PTPRN2: variants seen among roughly 807,000 people sequenced by gnomAD.
The protein encoded by PTPRN2 is receptor-type tyrosine-protein phosphatase N2.
A neutral mutation model predicts 118.8 loss-of-function variants in PTPRN2; 74 were observed. That is an observed-to-expected ratio of 0.62 (90% CI 0.52 to 0.76). The LOEUF (loss-of-function observed/expected upper bound fraction) is 0.76. Among genes scored for constraint, PTPRN2 ranks in the 30% least tolerant of loss-of-function variants. The pLI is 0.00. For synonymous variants in PTPRN2, 641 were observed against 608.0 expected, an observed-to-expected ratio of 1.05 and a Z score of -0.80; for missense variants, 1,481 against 1,394.4, an observed-to-expected ratio of 1.06 and a Z score of -0.99.
At chr7:158,358,259 G>A (rs767682499) in intron 2 of PTPRN2, among the ~76,000 whole-genome samples, 13 of 152,270 alleles carry the variant, frequency 8.5e-5, no homozygotes, top group East Asian at 1.9e-4. Flanking sequence ...TGGGAGGGGC[G>A]TGGGCTGAGG....
At chr7:158,434,301 T>G (rs2129430744) in intron 2 of PTPRN2, among the ~76,000 whole-genome samples, 1 of 152,330 alleles carries the variant, frequency 6.6e-6, no homozygotes, top group East Asian at 1.9e-4. Flanking sequence ...CATAAAAATG[T>G]GCATTATTCT....
At chr7:158,365,205 T>C (rs1204109192) in intron 2 of PTPRN2, among the ~76,000 whole-genome samples, 2 of 152,170 alleles carry the variant, frequency 1.3e-5, no homozygotes, top group African/African-American at 4.8e-5. Flanking sequence ...TGCGAGCGCC[T>C]CACGTGAGCC....
At chr7:158,351,299 C>T (rs1807913445) in intron 2 of PTPRN2, among the ~76,000 whole-genome samples, 2 of 152,134 alleles carry the variant, frequency 1.3e-5, no homozygotes, top group African/African-American at 4.8e-5. Flanking sequence ...CACTATTCCC[C>T]AGCTCCCTCC....
intron 6 of PTPRN2, among the ~76,000 whole-genome samples, chr7:158,139,043 G>T (rs538344369): frequency 1.3e-5 from 2 of 152,038 alleles, no homozygotes; most frequent in Admixed American, 1.3e-4. Flanking sequence ...AGCCACACAG[G>T]GTCAAAGCCT....
chr7:158,036,143 G>A (rs1055363608), intron 11 of PTPRN2, among the ~76,000 whole-genome samples: 1 of 152,142 alleles, frequency 6.6e-6, no homozygotes, highest in East Asian at 1.9e-4. Flanking sequence ...AAATGAATTA[G>A]GGGCATAACA....
intron 12 of PTPRN2, among the ~76,000 whole-genome samples, chr7:157,800,250 C>T (rs944505335): frequency 1.3e-5 from 2 of 152,216 alleles, no homozygotes; most frequent in African/African-American, 4.8e-5. Flanking sequence ...TCTTTCCAGG[C>T]TGGGCTTCTT....
intron 12 of PTPRN2, among the ~76,000 whole-genome samples, chr7:157,731,142 G>C (rs921367291): frequency 1.3e-5 from 2 of 152,096 alleles, no homozygotes; most frequent in South Asian, 4.1e-4. Context: ...TGCCCCCACT[G>C]AGAAGCTCCT....
At chr7:158,060,522 G>T (rs562024306) in intron 11 of PTPRN2, among the ~76,000 whole-genome samples, 1 of 152,252 alleles carries the variant, frequency 6.6e-6, no homozygotes, top group Admixed American at 6.5e-5. Context: ...CTTCTGCTAA[G>T]GACACAGTCA....
chr7:158,400,298 C>T (rs186737890), intron 2 of PTPRN2, among the ~76,000 whole-genome samples: 15 of 152,212 alleles, frequency 9.9e-5, no homozygotes, highest in Non-Finnish European at 1.9e-4. Context: ...ACAGGGCAGT[C>T]GTCATGCACA....
chr7:157,697,491 C>A (rs1196523004), intron 12 of PTPRN2, among the ~76,000 whole-genome samples: 1 of 128,790 alleles, frequency 7.8e-6, no homozygotes, highest in East Asian at 2.5e-4. Flanking sequence ...CTCATGCATA[C>A]TGGATCTTAG....
intron 3 of PTPRN2, among the ~76,000 whole-genome samples, chr7:158,242,227 C>T (rs1038709939): frequency 1.4e-4 from 22 of 152,188 alleles, no homozygotes; most frequent in African/African-American, 5.3e-4. Context: ...CCTCTCCCAT[C>T]GTTTATTTTC....
chr7:157,561,777 C>T (rs1799203882), intron 21 of PTPRN2, among the ~76,000 whole-genome samples: 1 of 152,264 alleles, frequency 6.6e-6, no homozygotes, highest in Admixed American at 6.5e-5. Flanking sequence ...CTCTCCACCA[C>T]CCTGCAGCCA....
At chr7:157,709,093 C>G (rs1410087166) in intron 12 of PTPRN2, among the ~76,000 whole-genome samples, 1 of 152,184 alleles carries the variant, frequency 6.6e-6, no homozygotes, top group Non-Finnish European at 1.5e-5. Flanking sequence ...TCTGCCTCTC[C>G]CAGTGGGAGT....
intron 11 of PTPRN2, among the ~76,000 whole-genome samples, chr7:158,057,123 G>A (rs1809853833): frequency 6.6e-6 from 1 of 152,182 alleles, no homozygotes; most frequent in African/African-American, 2.4e-5. Flanking sequence ...TGTGGACGCG[G>A]GAGCATCTAT....
At position 157,754,887 on chromosome 7, in the gene PTPRN2, T is replaced by TTTG. The variant is rs200235655; in HGVS notation, c.1789-71953_1789-71951dup. Among the ~76,000 whole-genome samples, 1,009 of 152,074 alleles carry TTTG rather than the reference T, an allele frequency of 6.6e-3. 17 individuals are homozygous for TTTG. Among genetic ancestry groups the TTTG allele is most frequent in the African/African-American group, 0.023 (973 of 41,438 alleles). The stretch of plus-strand genomic sequence containing the variant: ...GAGGAAGAACTTAGATTATAATGCT[T>TTTG]TTGTTGTTGTTGTTTGAGACAGAGT... On this transcript the variant is annotated intron_variant, in intron 12 of 22. Transcript: ENST00000389418.
At chr7:157,657,264 A>G (rs1396250037) in intron 13 of PTPRN2, among the ~76,000 whole-genome samples, 7 of 97,822 alleles carry the variant, frequency 7.2e-5, no homozygotes, top group Non-Finnish European at 2.2e-5. Flanking sequence ...ATATACACAC[A>G]CATACACCAC....
intron 12 of PTPRN2, among the ~76,000 whole-genome samples, chr7:157,778,180 G>T (rs1050061776): frequency 1.3e-5 from 2 of 152,238 alleles, no homozygotes; most frequent in Admixed American, 1.3e-4. Context: ...GAAGGCAACT[G>T]ACCTTCTCAA....
At chr7:158,113,308 GGAGA>G (rs1397967359) in intron 9 of PTPRN2, among the ~76,000 whole-genome samples, 1 of 152,170 alleles carries the variant, frequency 6.6e-6, no homozygotes, top group Non-Finnish European at 1.5e-5. Context: ...GAGTAGGAAA[GGAGA>G]GATGGGGCCA....
intron 3 of PTPRN2, among the ~76,000 whole-genome samples, chr7:158,292,533 T>G (rs768013274): frequency 4.6e-5 from 7 of 152,362 alleles, no homozygotes; most frequent in Non-Finnish European, 7.3e-5. Context: ...ATGGTAGGGG[T>G]ACATTCTGAG....
Sources: gnomAD v4.1 joint callset for allele counts (sites outside exome capture counted in the v4.1 genomes callset) on GRCh38, gnomAD v4.1.1 for gene constraint, MANE v1.5 for transcripts, NCBI Gene and HGNC (gene_info 2026-07-23, HGNC 2026-07-21) for gene names.